The following DCDC2 variants were observed in gnomAD, a reference collection of about 807,000 sequenced individuals.
DCDC2 encodes the protein doublecortin domain-containing protein 2.
A neutral mutation model predicts 50.2 loss-of-function variants in DCDC2; 40 were observed. The ratio of observed to expected loss-of-function variants is 0.80; its 90% CI spans 0.62 to 1.04. The LOEUF (loss-of-function observed/expected upper bound fraction) is 1.04. DCDC2 is among the 50% of genes least tolerant of loss of function. DCDC2 has a pLI of 0.00. For synonymous variants in DCDC2, 234 were observed against 210.6 expected (o/e 1.11, Z -0.96); for missense variants, 570 against 581.9 (o/e 0.98, Z 0.21).
chr6:24,276,147 G>A (rs6912221), intron 7 of DCDC2, among the ~76,000 whole-genome samples: 12,197 of 152,026 alleles, frequency 0.08, 638 homozygotes, highest in African/African-American at 0.16. Flanking sequence ...GGGATCACAA[G>A]CGTGAGCCAC....
the DCDC2 span, among the ~76,000 whole-genome samples, chr6:24,373,098 C>T: frequency 2.0e-5 from 3 of 152,192 alleles, no homozygotes; most frequent in Admixed American, 1.3e-4. Context: ...AAACCTAGTT[C>T]ATCAAGAATG....
intron 7 of DCDC2, among the ~76,000 whole-genome samples, chr6:24,234,732 A>G (rs1762408496): frequency 6.6e-6 from 1 of 152,238 alleles, no homozygotes; most frequent in Non-Finnish European, 1.5e-5. Context: ...AGACAGTTTT[A>G]GAGTAGAAGA....
chr6:24,214,750 T>C (rs1351726593), intron 7 of DCDC2, among the ~76,000 whole-genome samples: 2 of 152,214 alleles, frequency 1.3e-5, no homozygotes, highest in African/African-American at 2.4e-5. Flanking sequence ...ATTGACAATT[T>C]CTCTTCTTAA....
intron 7 of DCDC2, among the ~76,000 whole-genome samples, chr6:24,208,363 CTT>C (rs34475687): frequency 0.015 from 1,290 of 84,200 alleles, 4 homozygotes; most frequent in Non-Finnish European, 0.022. Context: ...CTCTGTGCTA[CTT>C]TTTTTTTTTT....
chr6:24,308,303 A>G (rs549738950), intron 2 of DCDC2, among the ~76,000 whole-genome samples: 1 of 152,354 alleles, frequency 6.6e-6, no homozygotes, highest in African/African-American at 2.4e-5. Context: ...TTGCACAGAA[A>G]GCAAGCCCTG....
intron 7 of DCDC2, among the ~76,000 whole-genome samples, chr6:24,275,512 T>TA (rs1763331849): frequency 1.3e-5 from 2 of 152,168 alleles, no homozygotes; most frequent in Non-Finnish European, 2.9e-5. Flanking sequence ...AAAATGCTTC[T>TA]AGATCAGTGG....
chr6:24,273,028 ACAC>A (rs1763272446), intron 7 of DCDC2, among the ~76,000 whole-genome samples: 1 of 150,394 alleles, frequency 6.6e-6, no homozygotes, highest in Non-Finnish European at 1.5e-5. Flanking sequence ...ACACACACAC[ACAC>A]ACTTTGTGGG....
intron 2 of DCDC2, 36 bp from the exon 3 acceptor site, chr6:24,302,080 A>C: frequency 2.6e-6 from 4 of 1,538,944 alleles, no homozygotes; most frequent in Non-Finnish European, 2.7e-6. Flanking sequence ...TAAACCACTA[A>C]GCTTATATTA....
intron 7 of DCDC2, among the ~76,000 whole-genome samples, chr6:24,240,226 GTTAGA>G (rs1489139074): frequency 6.6e-6 from 1 of 152,144 alleles, no homozygotes; most frequent in African/African-American, 2.4e-5. Flanking sequence ...CTGATTATTT[GTTAGA>G]TTAGTTTAAT....
chr6:24,276,004 G>A (rs1161702686), intron 7 of DCDC2, among the ~76,000 whole-genome samples: 1 of 151,120 alleles, frequency 6.6e-6, no homozygotes, highest in Non-Finnish European at 1.5e-5. Flanking sequence ...CAAGTAGCTA[G>A]GACTACAGGT....
chr6:24,237,468 G>A (rs1043586763), intron 7 of DCDC2, among the ~76,000 whole-genome samples: 10 of 152,220 alleles, frequency 6.6e-5, no homozygotes, highest in South Asian at 6.2e-4. Flanking sequence ...TACGCTGTTG[G>A]TGGGAATGTA....
At chr6:24,295,652 A>T (rs764911446) in intron 4 of DCDC2, among the ~76,000 whole-genome samples, 2 of 152,218 alleles carry the variant, frequency 1.3e-5, no homozygotes, top group Non-Finnish European at 2.9e-5. Flanking sequence ...ATGTACAAAA[A>T]TCAGTAGCAT....
At chr6:24,190,869 A>G (rs1436100584) in intron 8 of DCDC2, among the ~76,000 whole-genome samples, 2 of 152,238 alleles carry the variant, frequency 1.3e-5, no homozygotes, top group African/African-American at 4.8e-5. Context: ...GTTCAGAGAC[A>G]GCAGTGAAGG....
At chr6:24,364,845 A>T in the DCDC2 span, among the ~76,000 whole-genome samples, 1 of 152,196 alleles carries the variant, frequency 6.6e-6, no homozygotes, top group Non-Finnish European at 1.5e-5. Flanking sequence ...CTACACAGGA[A>T]ACCAAGCTCT....
chr6:24,340,732 T>A (rs555873247), intron 2 of DCDC2, among the ~76,000 whole-genome samples: 12 of 152,036 alleles, frequency 7.9e-5, no homozygotes, highest in South Asian at 6.2e-4. Context: ...AAAAAAAAAA[T>A]TTTGTTTTTT....
chr6:24,204,898 T>C, intron 8 of DCDC2, 104 bp downstream of exon 8: 1 of 1,055,490 alleles, frequency 9.5e-7, no homozygotes, highest in Non-Finnish European at 1.4e-6. Context: ...CCTTAGAGGG[T>C]TTAATTCATA....
At chr6:24,269,350 T>C (rs1763190558) in intron 7 of DCDC2, among the ~76,000 whole-genome samples, 1 of 152,114 alleles carries the variant, frequency 6.6e-6, no homozygotes, top group African/African-American at 2.4e-5. Flanking sequence ...AAGGAAAAAA[T>C]GTCAATGCTT....
upstream of DCDC2, chr6:24,358,177 A>G (rs888058853): frequency 2.3e-6 from 1 of 442,094 alleles, no homozygotes; most frequent in Non-Finnish European, 4.1e-6. Context: ...TTCTTACATC[A>G]TATCTGTGCT....
intron 8 of DCDC2, among the ~76,000 whole-genome samples, chr6:24,182,558 C>T (rs1056778739): frequency 7.5e-6 from 1 of 134,204 alleles, no homozygotes; most frequent in African/African-American, 2.7e-5. Flanking sequence ...AGATTGTCAA[C>T]TTACTAATAA....
Sources: allele counts gnomAD v4.1 joint callset (sites outside exome capture counted in the v4.1 genomes callset), GRCh38; gene constraint gnomAD v4.1.1; transcripts MANE v1.5; gene names NCBI Gene and HGNC (gene_info 2026-07-23, HGNC 2026-07-21).